The following EHBP1 variants were observed in gnomAD, a reference collection of about 807,000 sequenced individuals.
The protein encoded by EHBP1 is EH domain binding protein 1.
A neutral mutation model predicts 144.0 loss-of-function variants in EHBP1; 55 were observed. The ratio of observed to expected loss-of-function variants is 0.38; its 90% CI spans 0.31 to 0.48. EHBP1 has a LOEUF of 0.48. Among genes scored for constraint, EHBP1 ranks in the 20% least tolerant of loss-of-function variants. The probability of loss-of-function intolerance (pLI) is 0.98; values close to 1 mark genes in which losing one functional copy is unlikely to be tolerated. For missense variants in EHBP1, 1,200 were observed against 1,364.2 expected (o/e 0.88, Z 1.90); for synonymous variants, 469 against 472.7 (o/e 0.99, Z 0.10).
At chr2:62,771,773 T>C (rs1382626187) in intron 5 of EHBP1, 1 of 152,500 alleles carries the variant, frequency 6.6e-6, no homozygotes, top group African/African-American at 2.4e-5. Flanking sequence ...CATCTAAACA[T>C]GTGTTGGATG....
intron 3 of EHBP1, among the ~76,000 whole-genome samples, chr2:62,749,333 G>A (rs1379480043): frequency 1.3e-5 from 2 of 152,142 alleles, no homozygotes; most frequent in Non-Finnish European, 2.9e-5. Flanking sequence ...TTTTATGGCC[G>A]CATAGTATTC....
intron 1 of EHBP1, among the ~76,000 whole-genome samples, chr2:62,677,911 C>A (rs891429071): frequency 6.6e-6 from 1 of 152,214 alleles, no homozygotes; most frequent in Non-Finnish European, 1.5e-5. Context: ...GCTTCCAAAT[C>A]TTGGCTATTG....
At chr2:62,731,564 G>A (rs982484999) in intron 2 of EHBP1, among the ~76,000 whole-genome samples, 7 of 152,048 alleles carry the variant, frequency 4.6e-5, no homozygotes, top group Admixed American at 6.6e-5. Context: ...TTATCAAGTT[G>A]AGGAAGTTCC....
chr2:62,847,822 A>AT (rs1479724057), intron 7 of EHBP1, among the ~76,000 whole-genome samples: 2 of 152,188 alleles, frequency 1.3e-5, no homozygotes, highest in South Asian at 2.1e-4. Flanking sequence ...ATGTGACCTT[A>AT]TTTTTTTAAA....
At chr2:62,859,780 G>C (rs2049358932) in intron 8 of EHBP1, among the ~76,000 whole-genome samples, 1 of 152,148 alleles carries the variant, frequency 6.6e-6, no homozygotes, top group Admixed American at 6.5e-5. Context: ...CAGCATACTT[G>C]TGAGGTATAA....
At chr2:62,773,507 G>C (rs536346760) in intron 5 of EHBP1, among the ~76,000 whole-genome samples, 1 of 151,980 alleles carries the variant, frequency 6.6e-6, no homozygotes, top group South Asian at 2.1e-4. Flanking sequence ...TTTATTGAAG[G>C]AGTGAGTGAA....
At chr2:62,798,469 G>C (rs2043720773) in intron 5 of EHBP1, among the ~76,000 whole-genome samples, 1 of 152,176 alleles carries the variant, frequency 6.6e-6, no homozygotes. Flanking sequence ...TAGTATACTA[G>C]TTGTGGTGGT....
chr2:62,789,174 A>G (rs1232784043), intron 5 of EHBP1, among the ~76,000 whole-genome samples: 3 of 152,194 alleles, frequency 2.0e-5, no homozygotes, highest in African/African-American at 7.2e-5. Flanking sequence ...GTTGCCATTA[A>G]TAAGAGTGCT....
At chr2:63,019,313 A>G (rs964448662) in intron 19 of EHBP1, among the ~76,000 whole-genome samples, 1 of 152,240 alleles carries the variant, frequency 6.6e-6, no homozygotes, top group Non-Finnish European at 1.5e-5. Context: ...AGCACAGCAT[A>G]GAGATTTAAG....
chr2:63,034,587 C>G (rs2061384738), intron 19 of EHBP1, among the ~76,000 whole-genome samples: 1 of 151,902 alleles, frequency 6.6e-6, no homozygotes, highest in African/African-American at 2.4e-5. Context: ...CTAAAACTGC[C>G]TTTTTTTCTA....
chr2:62,993,718 A>G, intron 17 of EHBP1, 50 bp downstream of exon 17: 3 of 1,061,388 alleles, frequency 2.8e-6, no homozygotes, highest in Non-Finnish European at 3.9e-6. Flanking sequence ...AACTATATAT[A>G]GATATCTATA....
chr2:62,777,743 GA>G (rs2042145410), intron 5 of EHBP1, among the ~76,000 whole-genome samples: 1 of 152,100 alleles, frequency 6.6e-6, no homozygotes, highest in Non-Finnish European at 1.5e-5. Context: ...GAACTGCAAG[GA>G]AAAACATAAA....
intron 19 of EHBP1, among the ~76,000 whole-genome samples, chr2:63,031,834 C>T (rs983440869): frequency 2.0e-5 from 3 of 152,032 alleles, no homozygotes; most frequent in African/African-American, 7.3e-5. Context: ...GAGGCTGAGG[C>T]CAGAGAATCG....
intron 2 of EHBP1, among the ~76,000 whole-genome samples, chr2:62,739,840 G>A (rs1337254137): frequency 6.6e-6 from 1 of 151,382 alleles, no homozygotes; most frequent in Non-Finnish European, 1.5e-5. Flanking sequence ...GGAGGCTGAA[G>A]CAGGAGGATT....
chr2:62,907,368 A>G (rs972501057), intron 10 of EHBP1, among the ~76,000 whole-genome samples: 3 of 152,180 alleles, frequency 2.0e-5, no homozygotes, highest in African/African-American at 7.2e-5. Context: ...TTGCTTTAGT[A>G]TGTTTTTCCC....
chr2:63,012,631 C>G (rs1304364596), intron 19 of EHBP1, among the ~76,000 whole-genome samples: 2 of 151,886 alleles, frequency 1.3e-5, no homozygotes, highest in Non-Finnish European at 1.5e-5. Flanking sequence ...AAATTTTGGC[C>G]CTCATTTCAG....
rs758909305 is a variant in EHBP1 at position 63,037,629 on chromosome 2, T to C, written c.3198T>C (p.Ser1066=). Residue 1066 remains serine, a synonymous_variant, in exon 20 of 23, where the codon TCT becomes TCC. Coordinates refer to ENST00000431489, the MANE Select transcript of EHBP1 (RefSeq NM_001142616.3). ...TAATAAGGAGAATGAATCAGCTCTC[T>C]CTTCTGTAAGTACTCATCATTATGC... ...NALIRRMNQL[S]LLEKEHDLER... is the part of the protein sequence containing the mutation. The C allele has an allele frequency of 8.9e-6, 14 of 1,580,306 alleles. No individual in the cohort carries two copies. Among genetic ancestry groups the C allele is most frequent in the South Asian group, 6.8e-5 (6 of 87,722 alleles).
At chr2:62,888,248 A>C (rs897133162) in intron 10 of EHBP1, among the ~76,000 whole-genome samples, 10 of 152,204 alleles carry the variant, frequency 6.6e-5, no homozygotes, top group African/African-American at 2.2e-4. Flanking sequence ...CTGACAGAGA[A>C]ATGTGCAGCA....
intron 7 of EHBP1, among the ~76,000 whole-genome samples, chr2:62,837,241 G>A (rs2047344655): frequency 6.9e-6 from 1 of 144,710 alleles, no homozygotes; most frequent in South Asian, 2.4e-4. Context: ...GCCAAACTAA[G>A]CTTCATAAGT....
Sources: allele counts gnomAD v4.1 joint callset (sites outside exome capture counted in the v4.1 genomes callset), GRCh38; gene constraint gnomAD v4.1.1; transcripts MANE v1.5; gene names NCBI Gene and HGNC (gene_info 2026-07-23, HGNC 2026-07-21).